Variants in TENM1 observed in about 807,000 individuals in gnomAD.
TENM1 encodes the protein teneurin transmembrane protein 1.
In TENM1, 35 loss-of-function variants were observed where a neutral mutation model predicts 174.8. That is an observed-to-expected ratio of 0.20 (90% CI 0.15 to 0.27). The LOEUF is 0.27. Among genes scored for constraint, TENM1 ranks in the 10% least tolerant of loss-of-function variants. TENM1 has a pLI of 1.00. For missense variants in TENM1, 1,633 were observed against 2,130.1 expected (o/e 0.77, Z 4.59); for synonymous variants, 781 against 798.7 (o/e 0.98, Z 0.37).
chrX:124,690,972 A>G (rs2052507066), intron 5 of TENM1, among the ~76,000 whole-genome samples: 1 of 111,409 alleles, frequency 9.0e-6, no homozygotes. Flanking sequence ...GCATATATGC[A>G]GTTTAAAAGC....
chrX:124,567,589 G>A (rs1265109115), intron 11 of TENM1, among the ~76,000 whole-genome samples: 1 of 111,750 alleles, frequency 8.9e-6, no homozygotes, highest in African/African-American at 3.3e-5. Flanking sequence ...AATTGGAATG[G>A]GTGGAAAAGT....
At chrX:124,469,631 A>C (rs1371129805) in intron 22 of TENM1, among the ~76,000 whole-genome samples, 1 of 111,566 alleles carries the variant, frequency 9.0e-6, no homozygotes, top group Non-Finnish European at 1.9e-5. Context: ...CGACAGGAAG[A>C]TTCTTCCAGC....
chrX:124,834,533 T>C (rs2056355194), intron 3 of TENM1, among the ~76,000 whole-genome samples: 1 of 111,547 alleles, frequency 9.0e-6, no homozygotes, highest in Non-Finnish European at 1.9e-5. Context: ...CTACTTTCCC[T>C]TTAAAAAAAT....
the TENM1 span, among the ~76,000 whole-genome samples, chrX:125,008,876 T>A: frequency 1.8e-5 from 2 of 111,276 alleles, no homozygotes; most frequent in Middle Eastern, 4.3e-3. Flanking sequence ...AGGACACAGC[T>A]AACGCAGTGT....
At position 124,487,245 on chromosome X, in the gene TENM1, T is replaced by C; in HGVS notation, c.3696-16A>G. ...ATCTCTGTTTCTAGGGTGCACAAGG[T>C]ATCCACGAGTGGCAAGCAAAAGCAA... On this transcript the variant is annotated splice_polypyrimidine_tract_variant and intron_variant, in intron 20 of 31. Transcript: ENST00000422452. 8.6e-7 allele frequency: 1 copy of C among 1,163,942 alleles called. No homozygotes were observed. The highest frequency in any genetic ancestry group is 3.3e-5 in the East Asian group (1 of 30,701).
intron 2 of TENM1, among the ~76,000 whole-genome samples, chrX:124,895,052 G>A (rs111410933): frequency 3.6e-5 from 4 of 111,586 alleles, no homozygotes; most frequent in African/African-American, 9.8e-5. Context: ...TAACTAGTAG[G>A]CAACCTCTAA....
At chrX:125,186,221 G>A in the TENM1 span, among the ~76,000 whole-genome samples, 3 of 111,355 alleles carry the variant, frequency 2.7e-5, no homozygotes. Flanking sequence ...ATAAGATTAG[G>A]AAACTAAGGC....
chrX:124,498,882 C>A (rs1449094418), intron 19 of TENM1, among the ~76,000 whole-genome samples: 1 of 111,203 alleles, frequency 9.0e-6, no homozygotes, highest in Non-Finnish European at 1.9e-5. Context: ...TCCCTGTGGC[C>A]AAATCATTAT....
the TENM1 span, among the ~76,000 whole-genome samples, chrX:125,057,951 G>A: frequency 9.0e-6 from 1 of 111,707 alleles, no homozygotes; most frequent in Non-Finnish European, 1.9e-5. Context: ...ACATAAGAGT[G>A]TGATTTCAGT....
intron 20 of TENM1, among the ~76,000 whole-genome samples, chrX:124,495,054 T>A (rs1194074402): frequency 9.4e-6 from 1 of 106,311 alleles, no homozygotes; most frequent in Non-Finnish European, 1.9e-5. Flanking sequence ...GGTCAAATGG[T>A]ATTTCCAGTT....
chrX:125,017,658 G>GT, the TENM1 span, among the ~76,000 whole-genome samples: 4 of 110,974 alleles, frequency 3.6e-5, no homozygotes, highest in Non-Finnish European at 1.9e-5. Context: ...TAAAGAAAAT[G>GT]TGGCACATCT....
At chrX:124,598,542 G>C (rs1384431146) in intron 11 of TENM1, among the ~76,000 whole-genome samples, 2 of 112,017 alleles carry the variant, frequency 1.8e-5, no homozygotes, top group Admixed American at 9.5e-5. Context: ...ATACACAATG[G>C]AGTAGTATTC....
chrX:124,768,180 A>G lies in TENM1; in HGVS notation c.536-30983T>C, dbSNP rs185168810. ...GAGGAAGGCAATACTTAATTGAAAG[A>G]TATTTTAATACATAAACATATTAGA... On this transcript the variant is annotated intron_variant, in intron 3 of 31. Coordinates refer to ENST00000422452, the Ensembl canonical transcript of TENM1. 4.5e-5 allele frequency among the ~76,000 whole-genome samples: 5 copies of G among 112,230 alleles called. No homozygotes were observed. The East Asian group carries it at 1.4e-3, about 31-fold the overall frequency.
At chrX:124,436,314 G>C (rs2060835742) in intron 23 of TENM1, among the ~76,000 whole-genome samples, 2 of 110,914 alleles carry the variant, frequency 1.8e-5, no homozygotes. Context: ...ATTCTGAGAA[G>C]CTAAAGGAGG....
the TENM1 span, among the ~76,000 whole-genome samples, chrX:125,177,137 T>C: frequency 4.5e-5 from 5 of 112,300 alleles, no homozygotes; most frequent in African/African-American, 1.6e-4. Context: ...TTACATATTA[T>C]AGCCATACCA....
chrX:124,492,633 A>T (rs752072866), intron 20 of TENM1, among the ~76,000 whole-genome samples: 1 of 111,081 alleles, frequency 9.0e-6, no homozygotes, highest in African/African-American at 3.3e-5. Context: ...TTAGGGAGTT[A>T]CCTGTCAATT....
chrX:125,141,891 T>C, the TENM1 span, among the ~76,000 whole-genome samples: 23 of 110,981 alleles, frequency 2.1e-4, no homozygotes, highest in African/African-American at 6.9e-4. Context: ...CAGATTAGGG[T>C]TCAGAACCCA....
intron 29 of TENM1, 129 bp from the exon 33 acceptor site, chrX:124,384,983 G>A: frequency 2.8e-5 from 15 of 531,584 alleles, no homozygotes; most frequent in Non-Finnish European, 3.4e-5. Context: ...ACTGATCTCT[G>A]ATATCAAATG....
At chrX:124,977,939 A>AGTGTGTGTGTGTGTGTGTGT in the TENM1 span, among the ~76,000 whole-genome samples, 1 of 55,776 alleles carries the variant, frequency 1.8e-5, no homozygotes, top group Non-Finnish European at 3.5e-5. Context: ...GGCTCTGTTT[A>AGTGTGTGTGTGTGTGTGTGT]GTGTGTGTGT....
Sources: allele counts gnomAD v4.1 joint callset (sites outside exome capture counted in the v4.1 genomes callset), GRCh38; gene constraint gnomAD v4.1.1; transcripts MANE v1.5; gene names NCBI Gene and HGNC (gene_info 2026-07-23, HGNC 2026-07-21).